Variants in ACKR3 observed in about 807,000 individuals in gnomAD.
The protein encoded by ACKR3 is atypical chemokine receptor 3, also known as C-X-C chemokine receptor type 7.
A neutral mutation model predicts 22.4 loss-of-function variants in ACKR3; 6 were observed. The observed-to-expected ratio is 0.27, with a 90% CI of 0.15 to 0.53. ACKR3 has a LOEUF of 0.53. Ranked by LOEUF, ACKR3 falls within the 20% of genes least tolerant of loss-of-function variation. ACKR3 has a pLI of 0.96. For missense variants in ACKR3, 396 were observed against 475.2 expected (o/e 0.83, Z 1.55); for synonymous variants, 209 against 205.2 (o/e 1.02, Z -0.16).
the ACKR3 span, among the ~76,000 whole-genome samples, chr2:236,560,795 C>T: frequency 1.7e-3 from 260 of 152,226 alleles, 1 homozygote; most frequent in African/African-American, 6.1e-3. Flanking sequence ...TTTACAGCTT[C>T]AGATCTGGGT....
At chr2:236,571,618 GAAA>G (rs397988342) in intron 1 of ACKR3, among the ~76,000 whole-genome samples, 87 of 76,616 alleles carry the variant, frequency 1.1e-3, no homozygotes, top group African/African-American at 2.6e-3. Flanking sequence ...CTTTCTGAAT[GAAA>G]AAAAAAAAAA....
At chr2:236,571,581 T>C (rs1486353433) in intron 1 of ACKR3, among the ~76,000 whole-genome samples, 1 of 124,142 alleles carries the variant, frequency 8.1e-6, no homozygotes, top group Non-Finnish European at 1.6e-5. Context: ...TGATTTCTAA[T>C]CAGGCCCAGA....
the ACKR3 span, among the ~76,000 whole-genome samples, chr2:236,544,469 A>G: frequency 6.6e-6 from 1 of 152,118 alleles, no homozygotes; most frequent in Non-Finnish European, 1.5e-5. The surrounding 1 kb of genome is among the most constrained non-coding windows in gnomAD (Gnocchi z 5.0). Context: ...GGAGAAAATG[A>G]CTGCTAGGTC....
upstream of ACKR3, among the ~76,000 whole-genome samples, chr2:236,563,298 C>A (rs1268561820): frequency 1.3e-5 from 2 of 152,126 alleles, no homozygotes; most frequent in Non-Finnish European, 2.9e-5. Flanking sequence ...TATGGGCATC[C>A]GGCACGCGCC....
In ACKR3 at chr2:236,581,056, G is replaced by T; in HGVS notation, c.591G>T (p.Arg197=). ...TSASNNETYC[R]SFYPEHSIKE... Reference sequence around the variant, plus strand: ...CGTCCAACAATGAGACCTACTGCCGGTCCTTCTACCCCGAGCACAGCATCA... The same window carrying T: ...CGTCCAACAATGAGACCTACTGCCGTTCCTTCTACCCCGAGCACAGCATCA... The change falls in exon 2 of 2, where the codon CGG becomes CGT. Residue 197 remains arginine, a synonymous_variant. Transcript: ENST00000272928. This position sits in a 1 kb window ranked among gnomAD's most constrained non-coding sequence, Gnocchi z 4.4. 2 of 1,614,182 alleles carry T rather than the reference G, an allele frequency of 1.2e-6. No individual in the cohort carries two copies. The highest frequency in any genetic ancestry group is 1.7e-6 in the Non-Finnish European group (2 of 1,180,038).
the ACKR3 span, among the ~76,000 whole-genome samples, chr2:236,544,508 G>C: frequency 0.026 from 3,963 of 152,220 alleles, 178 homozygotes; most frequent in African/African-American, 0.091. This position sits in a 1 kb window ranked among gnomAD's most constrained non-coding sequence, Gnocchi z 5.0. Flanking sequence ...TGCCAGGGCT[G>C]GGGGGCTGCT....
chr2:236,574,063 G>C lies in ACKR3; in HGVS notation c.-27+4139G>C, dbSNP rs1454386135. 2.6e-5 allele frequency among the ~76,000 whole-genome samples: 4 copies of C among 151,952 alleles called. No homozygotes were observed. Among genetic ancestry groups the C allele is most frequent in the Admixed American group, 6.6e-5 (1 of 15,262 alleles). ...GCATGCACCACCTTGCTCATGCCTGGGGGGTGATGGGCCTGCGTGCCTTCC... is the reference window on the plus strand; with the variant it reads ...GCATGCACCACCTTGCTCATGCCTGCGGGGTGATGGGCCTGCGTGCCTTCC... On this transcript the variant is annotated intron_variant, in intron 1 of 1. Coordinates refer to ENST00000272928, the MANE Select transcript of ACKR3 (RefSeq NM_020311.3). The surrounding 1 kb of genome is among the most constrained non-coding windows in gnomAD (Gnocchi z 5.6).
the ACKR3 span, among the ~76,000 whole-genome samples, chr2:236,541,015 C>T: frequency 1.3e-5 from 2 of 152,226 alleles, no homozygotes; most frequent in South Asian, 4.1e-4. Flanking sequence ...GCTAGCATCT[C>T]TACATTTTTA....
rs1405091996 is a variant in ACKR3 at position 236,574,346 on chromosome 2, T to C, written c.-27+4422T>C. On this transcript the variant is annotated intron_variant, in intron 1 of 1. Transcript: ENST00000272928. This position sits in a 1 kb window ranked among gnomAD's most constrained non-coding sequence, Gnocchi z 5.6. ...AGCTGTATAGCTGTATAGCTGTAGC[T>C]ACACAAAGTTACAGAAGACTTGGTG... 6.6e-6 allele frequency among the ~76,000 whole-genome samples: 1 copy of C among 151,938 alleles called. No homozygotes were observed. The highest frequency in any genetic ancestry group is 1.5e-5 in the Non-Finnish European group (1 of 68,006).
the ACKR3 span, among the ~76,000 whole-genome samples, chr2:236,541,980 T>C: frequency 3.9e-5 from 6 of 152,190 alleles, no homozygotes; most frequent in African/African-American, 1.2e-4. Context: ...AATTACACAG[T>C]CTTGAGTATG....
At chr2:236,556,218 G>A in the ACKR3 span, among the ~76,000 whole-genome samples, 6 of 152,206 alleles carry the variant, frequency 3.9e-5, no homozygotes, top group Non-Finnish European at 5.9e-5. Context: ...ACTTGGAGGA[G>A]TTGGAGCTTG....
rs10186215 is a variant in ACKR3, at chr2:236,574,117, G to C, written c.-27+4193G>C. 0.074 allele frequency among the ~76,000 whole-genome samples: 11,313 copies of C among 151,938 alleles called. 511 individuals are homozygous for C. The highest frequency in any genetic ancestry group is 0.14 in the African/African-American group (5,865 of 41,382). The stretch of plus-strand genomic sequence containing the variant: ...TTAGCCGGCGGGGTCTCGGGGGTTG[G>C]GGGGAGATGTTTCTGATTTGTTGTC... On this transcript the variant is annotated intron_variant, in intron 1 of 1. Transcript: ENST00000272928. This position sits in a 1 kb window ranked among gnomAD's most constrained non-coding sequence, Gnocchi z 5.6.
At chr2:236,552,017 T>C in the ACKR3 span, among the ~76,000 whole-genome samples, 7 of 152,204 alleles carry the variant, frequency 4.6e-5, no homozygotes, top group Admixed American at 3.3e-4. Context: ...CTTCTTCTCT[T>C]ATTTAATCAG....
rs1224759425 is a variant in ACKR3 at position 236,574,752 on chromosome 2, C to T, written c.-27+4828C>T. 6.6e-6 allele frequency among the ~76,000 whole-genome samples: 1 copy of T among 152,216 alleles called. No homozygotes were observed. Among genetic ancestry groups the T allele is most frequent in the African/African-American group, 2.4e-5 (1 of 41,454 alleles). On this transcript the variant is annotated intron_variant, in intron 1 of 1. Coordinates refer to ENST00000272928, the MANE Select transcript of ACKR3 (RefSeq NM_020311.3). The surrounding 1 kb of genome is among the most constrained non-coding windows in gnomAD (Gnocchi z 5.6). ...TTTGGATGTGGCTAAATACCCCAGG[C>T]TGCTTGCTGCAGCACGGTCGTTGTC...
At chr2:236,559,849 TGA>T in the ACKR3 span, among the ~76,000 whole-genome samples, 129 of 152,360 alleles carry the variant, frequency 8.5e-4, no homozygotes, top group African/African-American at 3.0e-3. Context: ...CCATAGTGTG[TGA>T]GTCTATTTTT....
upstream of ACKR3, among the ~76,000 whole-genome samples, chr2:236,568,588 C>T (rs1235503093): frequency 6.6e-6 from 1 of 152,214 alleles, no homozygotes; most frequent in Non-Finnish European, 1.5e-5. Context: ...CCTCCGGAGG[C>T]CCCCGGAGAG....
the ACKR3 span, among the ~76,000 whole-genome samples, chr2:236,546,534 C>G: frequency 5.3e-5 from 8 of 152,198 alleles, no homozygotes; most frequent in African/African-American, 1.7e-4. This position sits in a 1 kb window ranked among gnomAD's most constrained non-coding sequence, Gnocchi z 4.9. Flanking sequence ...TAAATTGTAA[C>G]ATCCAAAGAT....
chr2:236,577,357 G>A lies in ACKR3; in HGVS notation c.-26-3083G>A, dbSNP rs1691431916. Among the ~76,000 whole-genome samples the A allele has an allele frequency of 6.6e-6, 1 of 152,176 alleles. No individual in the cohort carries two copies. Among genetic ancestry groups the A allele is most frequent in the Non-Finnish European group, 1.5e-5 (1 of 68,030 alleles). Reference sequence around the variant, plus strand: ...CTGTTTTTGACTCAGAGGACCAATGGTCCCTAAATCAAATTTTCGTCACCC... The same window carrying A: ...CTGTTTTTGACTCAGAGGACCAATGATCCCTAAATCAAATTTTCGTCACCC... On this transcript the variant is annotated intron_variant, in intron 1 of 1. Coordinates refer to ENST00000272928, the MANE Select transcript of ACKR3 (RefSeq NM_020311.3). This position sits in a 1 kb window ranked among gnomAD's most constrained non-coding sequence, Gnocchi z 5.6.
the ACKR3 span, among the ~76,000 whole-genome samples, chr2:236,560,726 T>C: frequency 6.6e-6 from 1 of 152,228 alleles, no homozygotes; most frequent in Non-Finnish European, 1.5e-5. Context: ...CCCGTGCTTC[T>C]GATGTCATTG....
Sources: gnomAD v4.1 joint callset for allele counts (sites outside exome capture counted in the v4.1 genomes callset) on GRCh38, gnomAD v4.1.1 for gene constraint, Gnocchi (gnomAD v3.1) non-coding constraint, MANE v1.5 for transcripts, NCBI Gene and HGNC (gene_info 2026-07-23, HGNC 2026-07-21) for gene names.